Variants in SAMD5 observed in about 807,000 individuals in gnomAD.
The protein encoded by SAMD5 is sterile alpha motif domain-containing protein 5.
A neutral mutation model predicts 11.3 loss-of-function variants in SAMD5; 13 were observed. That is an observed-to-expected ratio of 1.15 (90% CI 0.75 to 1.83). The LOEUF is 1.83. Ranked by LOEUF, SAMD5 falls within the 40% of genes most tolerant of loss-of-function variation. The pLI is 0.00. For missense variants in SAMD5, 255 were observed against 239.1 expected (o/e 1.07, Z -0.44); for synonymous variants, 129 against 111.3 (o/e 1.16, Z -1.00).
chr6:147,879,761 C>T, the SAMD5 span, among the ~76,000 whole-genome samples: 54 of 152,172 alleles, frequency 3.5e-4, no homozygotes, highest in African/African-American at 1.3e-3. Context: ...AATAATGGTG[C>T]GCAAATAAGC....
chr6:147,814,988 A>G, the SAMD5 span, among the ~76,000 whole-genome samples: 1 of 152,170 alleles, frequency 6.6e-6, no homozygotes, highest in Admixed American at 6.6e-5. Context: ...GAGAGGCTCT[A>G]GGACAGGGGC....
the SAMD5 span, among the ~76,000 whole-genome samples, chr6:147,785,701 C>T: frequency 6.6e-6 from 1 of 152,106 alleles, no homozygotes; most frequent in East Asian, 1.9e-4. Flanking sequence ...TGAGGGAATG[C>T]TTAATGAGTA....
intron 1 of SAMD5, among the ~76,000 whole-genome samples, chr6:147,580,245 G>T (rs934323989): frequency 6.6e-6 from 1 of 152,194 alleles, no homozygotes; most frequent in African/African-American, 2.4e-5. Context: ...AAGAACCAGA[G>T]AATGTTAATG....
chr6:147,645,982 G>C (rs1194207928), intron 1 of SAMD5, among the ~76,000 whole-genome samples: 3 of 151,890 alleles, frequency 2.0e-5, no homozygotes, highest in Non-Finnish European at 4.4e-5. Context: ...TGTTATCTTT[G>C]TCTCTATTTC....
At chr6:147,680,845 C>G (rs958435439) in intron 1 of SAMD5, among the ~76,000 whole-genome samples, 1 of 152,072 alleles carries the variant, frequency 6.6e-6, no homozygotes, top group African/African-American at 2.4e-5. Context: ...TGGGTAAACC[C>G]CACATGGTCA....
At chr6:147,668,444 G>A (rs187372381) in intron 1 of SAMD5, among the ~76,000 whole-genome samples, 92 of 152,154 alleles carry the variant, frequency 6.0e-4, no homozygotes, top group Non-Finnish European at 1.0e-3. Context: ...ATGTACATAC[G>A]CAGGTGTAAC....
the SAMD5 span, among the ~76,000 whole-genome samples, chr6:147,936,614 T>G: frequency 3.7e-3 from 556 of 152,250 alleles, 12 homozygotes; most frequent in Admixed American, 0.034. Context: ...GGGATTTCAA[T>G]TCAACATGAG....
Position 147,581,910 on chromosome 6 carries a change from C to G in SAMD5, c.162+72523C>G, listed in dbSNP as rs189088936. The stretch of plus-strand genomic sequence containing the variant: ...TTAGAGTATGTTTAAATACTGGTGG[C>G]AAAAAGAGGGGTTGGTAGACAGTGG... On this transcript the variant is annotated intron_variant, in intron 1 of 1. Transcript: ENST00000566741. Among the ~76,000 whole-genome samples, 4 of 151,690 alleles carry G rather than the reference C, an allele frequency of 2.6e-5. No individual in the cohort carries two copies. In the East Asian group the frequency reaches 7.8e-4, roughly 29 times the overall value.
chr6:147,661,731 G>A (rs1790651071), intron 1 of SAMD5, among the ~76,000 whole-genome samples: 1 of 152,176 alleles, frequency 6.6e-6, no homozygotes, highest in Non-Finnish European at 1.5e-5. Flanking sequence ...CCGGGTTTAA[G>A]CGATTCTCCT....
intron 1 of SAMD5, among the ~76,000 whole-genome samples, chr6:147,665,668 C>A (rs551389753): frequency 6.6e-6 from 1 of 152,204 alleles, no homozygotes; most frequent in African/African-American, 2.4e-5. Flanking sequence ...CAACTGGAGC[C>A]CCTGAAGCAT....
At chr6:147,946,005 A>T in the SAMD5 span, among the ~76,000 whole-genome samples, 3 of 152,296 alleles carry the variant, frequency 2.0e-5, no homozygotes, top group Non-Finnish European at 2.9e-5. Flanking sequence ...CTGCTTTTTC[A>T]GCTTTTCTTC....
At chr6:147,810,665 G>A in the SAMD5 span, among the ~76,000 whole-genome samples, 1 of 152,232 alleles carries the variant, frequency 6.6e-6, no homozygotes, top group African/African-American at 2.4e-5. Flanking sequence ...AACATGGCAG[G>A]TCTTAGCACA....
the SAMD5 span, among the ~76,000 whole-genome samples, chr6:147,768,173 A>G: frequency 6.6e-6 from 1 of 152,192 alleles, no homozygotes; most frequent in South Asian, 2.1e-4. Flanking sequence ...CCAATCTTCA[A>G]CACTGACAAA....
rs998589796 is a variant in SAMD5 at position 147,566,898 on chromosome 6, A to T, written c.*2442A>T. 2 of 955,862 alleles carry T rather than the reference A, an allele frequency of 2.1e-6. No homozygotes were observed. Among genetic ancestry groups the T allele is most frequent in the Non-Finnish European group, 2.5e-6 (2 of 803,520 alleles). The allele number at this position is 955,862 out of a possible 1,614,324, so 59.2% of individuals were successfully genotyped here. On this transcript the variant is annotated 3_prime_UTR_variant, in exon 2 of 2. Coordinates refer to ENST00000367474, the MANE Select transcript of SAMD5 (RefSeq NM_001030060.3). ...GTATCTGGGGACAGTTAGTCTTAGA[A>T]GGAGTAATTTTTTCAGCGTTTTTCC...
chr6:147,877,936 T>TTTTTTTTTTCTTTGTG, the SAMD5 span, among the ~76,000 whole-genome samples: 3 of 83,910 alleles, frequency 3.6e-5, no homozygotes, highest in Admixed American at 1.3e-4. Context: ...GATAGATAGA[T>TTTTTTTTTTCTTTGTG]AGATAGATAG....
At chr6:147,948,482 C>T in the SAMD5 span, among the ~76,000 whole-genome samples, 1 of 152,072 alleles carries the variant, frequency 6.6e-6, no homozygotes, top group Non-Finnish European at 1.5e-5. Flanking sequence ...CCTTTGTTAT[C>T]TTACGTTATA....
chr6:147,646,332 A>G (rs1303534882), intron 1 of SAMD5, among the ~76,000 whole-genome samples: 1 of 152,196 alleles, frequency 6.6e-6, no homozygotes, highest in Non-Finnish European at 1.5e-5. Context: ...TCGCAAAAAA[A>G]TAAAATGAGA....
the SAMD5 span, among the ~76,000 whole-genome samples, chr6:147,810,932 G>T: frequency 6.6e-6 from 1 of 152,126 alleles, no homozygotes; most frequent in Non-Finnish European, 1.5e-5. Context: ...ATATCTAACT[G>T]GTAGAGGAGA....
chr6:147,933,092 T>C, the SAMD5 span, among the ~76,000 whole-genome samples: 1 of 152,186 alleles, frequency 6.6e-6, no homozygotes, highest in South Asian at 2.1e-4. Context: ...TTCTTCCTCC[T>C]TTCCAATAGT....
Sources: gnomAD v4.1 joint callset for allele counts (sites outside exome capture counted in the v4.1 genomes callset) on GRCh38, gnomAD v4.1.1 for gene constraint, MANE v1.5 for transcripts, NCBI Gene and HGNC (gene_info 2026-07-23, HGNC 2026-07-21) for gene names.